The following CDON variants were observed in gnomAD, a reference collection of about 807,000 sequenced individuals.
The protein encoded by CDON is cell adhesion associated, oncogene regulated.
In CDON, 73 loss-of-function variants were observed where a neutral mutation model predicts 120.9. The ratio of observed to expected loss-of-function variants is 0.60; its 90% CI spans 0.50 to 0.73. The LOEUF (loss-of-function observed/expected upper bound fraction) is 0.73, where lower values mean the gene tolerates loss of function less well. CDON is among the 30% of genes least tolerant of loss of function. The probability of loss-of-function intolerance (pLI) is 0.00; values close to 1 mark genes in which losing one functional copy is unlikely to be tolerated. For missense variants in CDON, 1,470 were observed against 1,587.3 expected (o/e 0.93, Z 1.26); for synonymous variants, 566 against 573.5 (o/e 0.99, Z 0.19).
At chr11:126,021,120 T>C (rs1478885269) in intron 3 of CDON, 128 bp downstream of exon 3, 1 of 955,052 alleles carries the variant, frequency 1.0e-6, no homozygotes, top group Non-Finnish European at 1.6e-6. Flanking sequence ...ACAGCAAGAG[T>C]CAAGGCTGAG....
intron 18 of CDON, among the ~76,000 whole-genome samples, chr11:125,975,489 G>T (rs1946126633): frequency 6.6e-6 from 1 of 152,134 alleles, no homozygotes; most frequent in African/African-American, 2.4e-5. Flanking sequence ...CACATTCAGG[G>T]TTATCCACTA....
intron 1 of CDON, among the ~76,000 whole-genome samples, chr11:126,028,648 C>A (rs1373050192): frequency 6.6e-6 from 1 of 152,046 alleles, no homozygotes; most frequent in East Asian, 1.9e-4. Context: ...CAGGCATGAG[C>A]CACTGCTCCT....
chr11:125,991,456 C>T (rs906858117), intron 14 of CDON, among the ~76,000 whole-genome samples: 1 of 152,108 alleles, frequency 6.6e-6, no homozygotes, highest in African/African-American at 2.4e-5. Context: ...TTGGAATTGA[C>T]TTAACTTTAG....
At chr11:125,964,948 A>G (rs1945751136) in intron 18 of CDON, among the ~76,000 whole-genome samples, 1 of 152,176 alleles carries the variant, frequency 6.6e-6, no homozygotes, top group Non-Finnish European at 1.5e-5. Flanking sequence ...TGTTTTTGAG[A>G]AGGAGTCTCG....
intron 18 of CDON, among the ~76,000 whole-genome samples, chr11:125,964,219 G>T (rs1411803604): frequency 6.6e-6 from 1 of 152,194 alleles, no homozygotes; most frequent in Non-Finnish European, 1.5e-5. Flanking sequence ...AAAAGCCTTT[G>T]TGAGTTCAAA....
intron 18 of CDON, among the ~76,000 whole-genome samples, chr11:125,971,121 C>A (rs139515080): frequency 2.0e-5 from 3 of 152,128 alleles, no homozygotes; most frequent in Non-Finnish European, 4.4e-5. Context: ...CGGTGGCTCA[C>A]GCCTGTAATC....
chr11:125,997,118 C>G, intron 12 of CDON, 89 bp downstream of exon 12: 1 of 1,075,004 alleles, frequency 9.3e-7, no homozygotes. Context: ...CAGCCTGGGC[C>G]AACAGAGTGA....
At chr11:125,990,347 C>T (rs1946601581) in intron 14 of CDON, among the ~76,000 whole-genome samples, 1 of 152,196 alleles carries the variant, frequency 6.6e-6, no homozygotes, top group African/African-American at 2.4e-5. Context: ...ACCCCCACTC[C>T]TGCTTTTCTT....
At chr11:126,060,242 T>C (rs1243492157) in intron 1 of CDON, among the ~76,000 whole-genome samples, 1 of 152,190 alleles carries the variant, frequency 6.6e-6, no homozygotes, top group East Asian at 1.9e-4. Context: ...CTCAAAATAT[T>C]TGGCAACCAT....
intron 1 of CDON, among the ~76,000 whole-genome samples, chr11:126,049,437 G>A (rs1948499865): frequency 6.6e-6 from 1 of 152,150 alleles, no homozygotes; most frequent in African/African-American, 2.4e-5. Flanking sequence ...CTCTTACTGG[G>A]AGCTGCACTC....
intron 7 of CDON, among the ~76,000 whole-genome samples, chr11:126,012,163 T>C (rs908196524): frequency 6.6e-6 from 1 of 152,228 alleles, no homozygotes; most frequent in Non-Finnish European, 1.5e-5. Context: ...GGGTTATGCA[T>C]ATAAATTTTA....
intron 1 of CDON, among the ~76,000 whole-genome samples, chr11:126,033,484 T>C (rs1341246272): frequency 6.6e-6 from 1 of 152,052 alleles, no homozygotes; most frequent in African/African-American, 2.4e-5. Flanking sequence ...TAAACCACAC[T>C]ATCAATACTA....
intron 15 of CDON, among the ~76,000 whole-genome samples, chr11:125,988,487 T>C (rs577144831): frequency 3.8e-4 from 58 of 152,334 alleles, no homozygotes; most frequent in African/African-American, 1.3e-3. Flanking sequence ...GCGATTCTCC[T>C]GTCTCAGCCT....
intron 1 of CDON, among the ~76,000 whole-genome samples, chr11:126,028,772 C>T (rs536449308): frequency 6.7e-6 from 1 of 150,364 alleles, no homozygotes; most frequent in South Asian, 2.1e-4. Flanking sequence ...GTCTACTTAA[C>T]CATTCTCTTT....
intron 8 of CDON, among the ~76,000 whole-genome samples, chr11:126,009,877 TA>T (rs1184266173): frequency 2.0e-5 from 3 of 152,178 alleles, no homozygotes; most frequent in African/African-American, 7.2e-5. Flanking sequence ...GAAGAATTAA[TA>T]TTATACATCC....
Position 125,961,769 on chromosome 11 carries a change from C to T in CDON, c.3586G>A (p.Asp1196Asn), listed in dbSNP as rs1193538979. 1 of 1,614,166 alleles carries T rather than the reference C, an allele frequency of 6.2e-7. No individual in the cohort carries two copies. The highest frequency in any genetic ancestry group is 1.7e-5 in the Admixed American group (1 of 60,038). ...TCTTCTGAGCCATCAGAGCTGACGT[C>T]ATTTACAATGTCCTGACAGCAGGTA... The part of the protein sequence containing the change: ...QRTCCQDIVN[D>N]VSSDGSEDPA... Residue 1196 changes from aspartate (D) to asparagine (N), a missense_variant, in exon 19 of 20, where the codon GAC (aspartate) becomes AAC (asparagine). Transcript: ENST00000531738.
At chr11:126,048,024 C>T (rs899726077) in intron 1 of CDON, among the ~76,000 whole-genome samples, 1 of 152,132 alleles carries the variant, frequency 6.6e-6, no homozygotes, top group African/African-American at 2.4e-5. Flanking sequence ...TGCCTGTAAT[C>T]CCAGCACTTT....
intron 8 of CDON, among the ~76,000 whole-genome samples, chr11:126,006,587 G>C (rs568894139): frequency 6.6e-6 from 1 of 152,260 alleles, no homozygotes; most frequent in South Asian, 2.1e-4. Flanking sequence ...AGGATCACCT[G>C]AGCCTGGGAA....
chr11:126,014,465 G>A (rs879486423), intron 7 of CDON, among the ~76,000 whole-genome samples: 18 of 152,150 alleles, frequency 1.2e-4, no homozygotes, highest in Middle Eastern at 3.2e-3. Context: ...TATTGCTGGT[G>A]GGAGTGTACA....
Sources: allele counts gnomAD v4.1 joint callset (sites outside exome capture counted in the v4.1 genomes callset), GRCh38; gene constraint gnomAD v4.1.1; transcripts MANE v1.5; gene names NCBI Gene and HGNC (gene_info 2026-07-23, HGNC 2026-07-21).